The following SH3GL2 variants were observed in gnomAD, a reference collection of about 807,000 sequenced individuals.
The protein encoded by SH3GL2 is endophilin-A1.
A neutral mutation model predicts 46.0 loss-of-function variants in SH3GL2; 24 were observed. The observed-to-expected ratio is 0.52, with a 90% CI of 0.38 to 0.73. The LOEUF (loss-of-function observed/expected upper bound fraction) is 0.73. Among genes scored for constraint, SH3GL2 ranks in the 30% least tolerant of loss-of-function variants. The pLI, the probability that SH3GL2 is intolerant of heterozygous loss-of-function variation, is 0.00. For synonymous variants in SH3GL2, 196 were observed against 147.1 expected (o/e 1.33, Z -2.40); for missense variants, 413 against 424.2 (o/e 0.97, Z 0.23).
intron 1 of SH3GL2, among the ~76,000 whole-genome samples, chr9:17,633,568 T>G (rs547174810): frequency 8.5e-5 from 13 of 152,238 alleles, no homozygotes; most frequent in Non-Finnish European, 1.9e-4. Flanking sequence ...CTTTTTCTTT[T>G]TTGCACCAAC....
At chr9:17,650,534 G>T (rs569683635) in intron 1 of SH3GL2, among the ~76,000 whole-genome samples, 1 of 152,162 alleles carries the variant, frequency 6.6e-6, no homozygotes, top group African/African-American at 2.4e-5. Context: ...ACCACGCCTG[G>T]CTAATTTTTG....
intron 1 of SH3GL2, among the ~76,000 whole-genome samples, chr9:17,705,632 A>G (rs146604430): frequency 6.6e-6 from 1 of 152,196 alleles, no homozygotes; most frequent in East Asian, 1.9e-4. Context: ...GTGAAAAAGA[A>G]TGAAATCATG....
intron 1 of SH3GL2, among the ~76,000 whole-genome samples, chr9:17,660,032 A>T (rs868302933): frequency 6.6e-6 from 1 of 152,172 alleles, no homozygotes. Flanking sequence ...TTATGACTCT[A>T]CCACCTATTG....
At chr9:17,594,578 A>G (rs1023874679) in intron 1 of SH3GL2, among the ~76,000 whole-genome samples, 3 of 152,164 alleles carry the variant, frequency 2.0e-5, no homozygotes, top group African/African-American at 7.2e-5. Flanking sequence ...CCGAACCACC[A>G]TGGCACATGT....
At chr9:17,646,506 G>A (rs932979578) in intron 1 of SH3GL2, among the ~76,000 whole-genome samples, 1 of 152,078 alleles carries the variant, frequency 6.6e-6, no homozygotes, top group Non-Finnish European at 1.5e-5. Context: ...CCTCATCTTT[G>A]TGGATTTATC....
chr9:17,667,665 A>C (rs182022857), intron 1 of SH3GL2, among the ~76,000 whole-genome samples: 1 of 152,098 alleles, frequency 6.6e-6, no homozygotes, highest in African/African-American at 2.4e-5. Context: ...TTTTTTTTGC[A>C]TATACCTTGA....
At chr9:17,589,063 G>C (rs1818431038) in intron 1 of SH3GL2, 1 of 152,186 alleles carries the variant, frequency 6.6e-6, no homozygotes, top group Non-Finnish European at 1.5e-5. Context: ...TTGTGAGCTT[G>C]TAAGTGTATG....
intron 1 of SH3GL2, among the ~76,000 whole-genome samples, chr9:17,650,015 T>G (rs997016960): frequency 2.0e-5 from 3 of 152,222 alleles, no homozygotes; most frequent in African/African-American, 7.2e-5. Context: ...CCAGCTTTTA[T>G]TTAGTGTTCC....
intron 3 of SH3GL2, among the ~76,000 whole-genome samples, chr9:17,771,982 C>G (rs1823494099): frequency 6.6e-6 from 1 of 152,116 alleles, no homozygotes; most frequent in Admixed American, 6.5e-5. Context: ...AGTATATTTA[C>G]CTAAGTTCTC....
intron 4 of SH3GL2, among the ~76,000 whole-genome samples, chr9:17,786,974 C>A (rs1424629967): frequency 6.6e-6 from 1 of 152,146 alleles, no homozygotes; most frequent in East Asian, 1.9e-4. Context: ...CTGTCTCCCC[C>A]AAAACTCAGC....
At chr9:17,744,962 C>A (rs985010665) in intron 1 of SH3GL2, among the ~76,000 whole-genome samples, 1 of 152,164 alleles carries the variant, frequency 6.6e-6, no homozygotes, top group Non-Finnish European at 1.5e-5. Flanking sequence ...AATGGAACTT[C>A]AGACGGAGGC....
intron 1 of SH3GL2, among the ~76,000 whole-genome samples, chr9:17,711,043 A>C (rs1821608357): frequency 1.3e-5 from 2 of 151,892 alleles, no homozygotes; most frequent in Non-Finnish European, 2.9e-5. Context: ...AACCATGGAA[A>C]GTGAGATCAC....
At chr9:17,580,109 A>T (rs1299670076) in intron 1 of SH3GL2, among the ~76,000 whole-genome samples, 2 of 152,182 alleles carry the variant, frequency 1.3e-5, no homozygotes, top group East Asian at 1.9e-4. Flanking sequence ...ATTGGACTCA[A>T]AGAATTTTAC....
chr9:17,663,698 A>G (rs1303595822), intron 1 of SH3GL2, among the ~76,000 whole-genome samples: 1 of 152,238 alleles, frequency 6.6e-6, no homozygotes, highest in Non-Finnish European at 1.5e-5. Flanking sequence ...CTGAGGAACA[A>G]TTTAATCCAT....
At chr9:17,792,474 T>G (rs1486365488) in intron 7 of SH3GL2, among the ~76,000 whole-genome samples, 1 of 152,200 alleles carries the variant, frequency 6.6e-6, no homozygotes, top group Admixed American at 6.5e-5. Context: ...ACATACTTTG[T>G]TTATTGAATA....
intron 1 of SH3GL2, among the ~76,000 whole-genome samples, chr9:17,692,248 G>A (rs1164299892): frequency 6.6e-6 from 1 of 150,888 alleles, no homozygotes; most frequent in Non-Finnish European, 1.5e-5. Context: ...TTTTGAGTAA[G>A]AAGGAGTGGT....
intron 1 of SH3GL2, among the ~76,000 whole-genome samples, chr9:17,588,633 G>T (rs557032289): frequency 4.7e-4 from 71 of 152,292 alleles, no homozygotes; most frequent in African/African-American, 1.7e-3. Context: ...CCACAGCCTT[G>T]AAGAATCTGA....
In SH3GL2 at chr9:17,599,235, A is replaced by G. The variant is rs79196854; in HGVS notation, c.45+19948A>G. On this transcript the variant is annotated intron_variant, in intron 1 of 8. Coordinates refer to ENST00000380607, the MANE Select transcript of SH3GL2 (RefSeq NM_003026.5). ...ATGGGGAATACTTTCTAAACATAAC[A>G]TATCATGCAGAGACTGTGCACTATG... Among the ~76,000 whole-genome samples, 328 of 152,320 alleles carry G rather than the reference A, an allele frequency of 2.2e-3. 3 individuals are homozygous for G. The highest frequency in any genetic ancestry group is 7.6e-3 in the African/African-American group (317 of 41,576).
At chr9:17,600,472 G>T (rs1205427289) in intron 1 of SH3GL2, among the ~76,000 whole-genome samples, 2 of 151,896 alleles carry the variant, frequency 1.3e-5, no homozygotes, top group African/African-American at 4.9e-5. Flanking sequence ...TGTTTTCTCA[G>T]TTAGATCTTC....
Sources: allele counts gnomAD v4.1 joint callset (sites outside exome capture counted in the v4.1 genomes callset), GRCh38; gene constraint gnomAD v4.1.1; transcripts MANE v1.5; gene names NCBI Gene and HGNC (gene_info 2026-07-23, HGNC 2026-07-21).